RERE: variants seen among roughly 807,000 people sequenced by gnomAD.
RERE encodes the protein arginine-glutamic acid dipeptide repeats.
A neutral mutation model predicts 146.1 loss-of-function variants in RERE; 40 were observed. That is an observed-to-expected ratio of 0.27 (90% CI 0.21 to 0.36). The LOEUF (loss-of-function observed/expected upper bound fraction) is 0.36. RERE is among the 10% of genes least tolerant of loss of function. The probability of loss-of-function intolerance (pLI) is 1.00; values close to 1 mark genes in which losing one functional copy is unlikely to be tolerated. For missense variants in RERE, 1,933 were observed against 2,138.7 expected (o/e 0.90, Z 1.90); for synonymous variants, 1,003 against 866.0 (o/e 1.16, Z -2.78).
chr1:8,484,907 T>C (rs1395515811), intron 10 of RERE, among the ~76,000 whole-genome samples: 1 of 152,174 alleles, frequency 6.6e-6, no homozygotes, highest in Non-Finnish European at 1.5e-5. Context: ...TTCTTATGTA[T>C]GAAAAGATAA....
intron 1 of RERE, among the ~76,000 whole-genome samples, chr1:8,682,947 G>C (rs987512642): frequency 7.0e-6 from 1 of 142,386 alleles, no homozygotes; most frequent in South Asian, 2.2e-4. Flanking sequence ...GCTATACTTC[G>C]GTAAAATAAA....
chr1:8,506,035 A>G (rs1570360292), intron 8 of RERE, among the ~76,000 whole-genome samples: 1 of 152,326 alleles, frequency 6.6e-6, no homozygotes, highest in East Asian at 1.9e-4. Context: ...TCTTTTCCTT[A>G]GGAACTACAT....
At chr1:8,531,356 T>A (rs894693544) in intron 7 of RERE, among the ~76,000 whole-genome samples, 6 of 151,388 alleles carry the variant, frequency 4.0e-5, no homozygotes, top group Non-Finnish European at 7.4e-5. Context: ...AGTGGGAGGA[T>A]CACTTGAGCC....
At chr1:8,443,627 C>A (rs1644281450) in intron 11 of RERE, among the ~76,000 whole-genome samples, 1 of 152,172 alleles carries the variant, frequency 6.6e-6, no homozygotes, top group South Asian at 2.1e-4. Context: ...ACCTTCCCAG[C>A]AGCCCCTCCC....
intron 6 of RERE, among the ~76,000 whole-genome samples, chr1:8,543,843 T>C (rs544136768): frequency 1.3e-5 from 2 of 152,360 alleles, no homozygotes; most frequent in South Asian, 2.1e-4. Flanking sequence ...GATAAATGAT[T>C]ATGAAGTTGT....
At chr1:8,593,398 T>C (rs567938662) in intron 4 of RERE, among the ~76,000 whole-genome samples, 2 of 152,340 alleles carry the variant, frequency 1.3e-5, no homozygotes, top group African/African-American at 2.4e-5. Context: ...GTTCTTGTGA[T>C]AGTGAATACG....
chr1:8,789,282 C>CAAAAAAAAAAAAAAAAAAAAA (rs58993452), intron 1 of RERE, among the ~76,000 whole-genome samples: 2 of 38,496 alleles, frequency 5.2e-5, no homozygotes, highest in Non-Finnish European at 8.4e-5. Context: ...TCCTCTCTAC[C>CAAAAAAAAAAAAAAAAAAAAA]AAAAAAAAAA....
intron 4 of RERE, among the ~76,000 whole-genome samples, chr1:8,585,670 T>C (rs1011264685): frequency 6.6e-6 from 1 of 152,148 alleles, no homozygotes; most frequent in African/African-American, 2.4e-5. Flanking sequence ...CTGGCTTCAA[T>C]AAGGATTAGG....
At chr1:8,564,089 G>C (rs533642571) in intron 4 of RERE, among the ~76,000 whole-genome samples, 9 of 152,252 alleles carry the variant, frequency 5.9e-5, no homozygotes, top group African/African-American at 1.9e-4. Context: ...ACTGTTAGAC[G>C]TGTCACCTTA....
chr1:8,405,701 C>T (rs186203048), intron 12 of RERE, among the ~76,000 whole-genome samples: 16 of 151,484 alleles, frequency 1.1e-4, no homozygotes, highest in African/African-American at 3.4e-4. Context: ...TGCAGTGGTG[C>T]GATCTCGGCT....
At chr1:8,381,071 T>C (rs940375530) in intron 12 of RERE, 33 of 454,866 alleles carry the variant, frequency 7.3e-5, no homozygotes, top group African/African-American at 5.8e-4. Flanking sequence ...CCCCTCCAGC[T>C]CTATGTGCTG....
At chr1:8,676,367 T>TA (rs1261889668) in intron 1 of RERE, among the ~76,000 whole-genome samples, 3 of 152,140 alleles carry the variant, frequency 2.0e-5, no homozygotes, top group Non-Finnish European at 2.9e-5. Context: ...CTTTTCACCT[T>TA]AGAGACTCAG....
At chr1:8,782,470 T>C (rs1569786055) in intron 1 of RERE, among the ~76,000 whole-genome samples, 1 of 152,124 alleles carries the variant, frequency 6.6e-6, no homozygotes, top group Admixed American at 6.6e-5. Context: ...CCAGCTTTAC[T>C]TACACTTGCC....
At chr1:8,411,932 C>T (rs1043269085) in intron 12 of RERE, among the ~76,000 whole-genome samples, 1 of 152,100 alleles carries the variant, frequency 6.6e-6, no homozygotes, top group African/African-American at 2.4e-5. Flanking sequence ...TACAGATTCT[C>T]GCCAAATGAA....
chr1:8,736,027 C>T (rs550255584), intron 1 of RERE, among the ~76,000 whole-genome samples: 1 of 152,222 alleles, frequency 6.6e-6, no homozygotes, highest in Admixed American at 6.5e-5. Flanking sequence ...AAAGCAAAAT[C>T]CTTATACACA....
chr1:8,594,334 G>A (rs1048770909), intron 4 of RERE, among the ~76,000 whole-genome samples: 1 of 152,036 alleles, frequency 6.6e-6, no homozygotes. Flanking sequence ...CATAAAATAC[G>A]CTGTAAATGA....
intron 10 of RERE, among the ~76,000 whole-genome samples, chr1:8,480,595 T>G (rs926560431): frequency 1.3e-5 from 2 of 150,894 alleles, no homozygotes; most frequent in African/African-American, 4.9e-5. Context: ...ACCACCATAC[T>G]TGGCTAATTT....
intron 4 of RERE, among the ~76,000 whole-genome samples, chr1:8,611,605 T>A (rs527550186): frequency 6.6e-6 from 1 of 151,954 alleles, no homozygotes; most frequent in African/African-American, 2.4e-5. Flanking sequence ...TCAAAAGAGG[T>A]CAAACACACA....
intron 11 of RERE, among the ~76,000 whole-genome samples, chr1:8,440,774 T>C (rs546444386): frequency 6.7e-6 from 1 of 149,976 alleles, no homozygotes; most frequent in East Asian, 2.0e-4. Context: ...TACATGCCTG[T>C]AGTCCCACCT....
Sources: allele counts gnomAD v4.1 joint callset (sites outside exome capture counted in the v4.1 genomes callset), GRCh38; gene constraint gnomAD v4.1.1; transcripts MANE v1.5; gene names NCBI Gene and HGNC (gene_info 2026-07-23, HGNC 2026-07-21).